GUCY1B1: variants seen among roughly 807,000 people sequenced by gnomAD.
GUCY1B1 encodes guanylate cyclase 1 soluble subunit beta 1.
GUCY1B1 carries 43 observed loss-of-function variants against 71.0 expected under a neutral mutation model. That is an observed-to-expected ratio of 0.61 (90% CI 0.47 to 0.78). The LOEUF (loss-of-function observed/expected upper bound fraction) is 0.78, where lower values mean the gene tolerates loss of function less well. Among genes scored for constraint, GUCY1B1 ranks in the 30% least tolerant of loss-of-function variants. The pLI, the probability that GUCY1B1 is intolerant of heterozygous loss-of-function variation, is 0.00. For synonymous variants in GUCY1B1, 266 were observed against 259.7 expected (o/e 1.02, Z -0.23); for missense variants, 535 against 754.1 (o/e 0.71, Z 3.40).
At chr4:155,774,231 T>C (rs1392790906) in intron 2 of GUCY1B1, among the ~76,000 whole-genome samples, 1 of 152,180 alleles carries the variant, frequency 6.6e-6, no homozygotes, top group Non-Finnish European at 1.5e-5. Flanking sequence ...ACCCGTTCCC[T>C]GATAGCTACT....
intron 1 of GUCY1B1, 172 bp downstream of exon 1, chr4:155,759,315 C>G: frequency 3.2e-6 from 2 of 633,566 alleles, no homozygotes; most frequent in Non-Finnish European, 5.2e-6. Context: ...GTGGGAACGC[C>G]GCGAGTCGTG....
At chr4:155,785,238 C>A in intron 4 of GUCY1B1, 2 of 1,044,558 alleles carry the variant, frequency 1.9e-6, no homozygotes, top group Non-Finnish European at 2.8e-6. Context: ...TATATTTTTC[C>A]TGTTTTTTGA....
chr4:155,762,878 T>C (rs1737091120), intron 2 of GUCY1B1, among the ~76,000 whole-genome samples: 2 of 152,186 alleles, frequency 1.3e-5, no homozygotes, highest in Admixed American at 6.5e-5. Context: ...ATGTGATCCA[T>C]GGGCTATAGT....
At chr4:155,795,919 G>C (rs145833271) in intron 7 of GUCY1B1, among the ~76,000 whole-genome samples, 1 of 152,028 alleles carries the variant, frequency 6.6e-6, no homozygotes, top group Non-Finnish European at 1.5e-5. Flanking sequence ...GGGATCTCAC[G>C]GTTTCTGTTC....
intron 3 of GUCY1B1, among the ~76,000 whole-genome samples, chr4:155,776,435 C>T (rs1365938315): frequency 1.3e-5 from 2 of 151,996 alleles, no homozygotes; most frequent in Non-Finnish European, 2.9e-5. Flanking sequence ...TTTGAGAGGC[C>T]GAGGTGGGTG....
intron 2 of GUCY1B1, among the ~76,000 whole-genome samples, chr4:155,763,322 T>G (rs921173273): frequency 2.0e-5 from 3 of 152,140 alleles, no homozygotes; most frequent in Admixed American, 6.6e-5. Flanking sequence ...TTGGATTATA[T>G]GCACCACCAC....
At chr4:155,795,511 G>A in intron 7 of GUCY1B1, 54 bp downstream of exon 7, 3 of 825,676 alleles carry the variant, frequency 3.6e-6, no homozygotes, top group African/African-American at 3.4e-5. Context: ...CAAATTAGAA[G>A]TATTCAGGGG....
chr4:155,795,875 A>C (rs768406584), intron 7 of GUCY1B1, among the ~76,000 whole-genome samples: 2 of 152,172 alleles, frequency 1.3e-5, no homozygotes, highest in Non-Finnish European at 2.9e-5. Context: ...AAAAGTGATG[A>C]AATATTCACA....
chr4:155,805,273 T>TA, intron 13 of GUCY1B1, 44 bp downstream of exon 13: 1 of 1,516,766 alleles, frequency 6.6e-7, no homozygotes, highest in Non-Finnish European at 8.9e-7. Context: ...AGACAGAGTA[T>TA]AAGTATGGAA....
At chr4:155,805,911 T>C (rs1348865663) in intron 13 of GUCY1B1, among the ~76,000 whole-genome samples, 1 of 152,174 alleles carries the variant, frequency 6.6e-6, no homozygotes, top group Non-Finnish European at 1.5e-5. Context: ...ACTAAGATCA[T>C]GGCTAGCCTC....
intron 2 of GUCY1B1, among the ~76,000 whole-genome samples, chr4:155,773,327 A>T (rs1737819255): frequency 6.6e-6 from 1 of 152,212 alleles, no homozygotes; most frequent in South Asian, 2.1e-4. Context: ...TGTTTTAAAC[A>T]ATGGATTTCA....
At chr4:155,797,242 G>A (rs996327081) in intron 8 of GUCY1B1, among the ~76,000 whole-genome samples, 1 of 152,122 alleles carries the variant, frequency 6.6e-6, no homozygotes, top group Non-Finnish European at 1.5e-5. Flanking sequence ...CAAAGTGTAG[G>A]TGCATTATGT....
chr4:155,801,786 A>G (rs1739972889), intron 9 of GUCY1B1, among the ~76,000 whole-genome samples: 1 of 152,162 alleles, frequency 6.6e-6, no homozygotes, highest in African/African-American at 2.4e-5. Flanking sequence ...AAATACAATA[A>G]TTTATTTTCT....
Position 155,804,732 on chromosome 4 carries a change from C to T in GUCY1B1, c.1694C>T (p.Ser565Phe). The T allele has an allele frequency of 6.2e-7, 1 of 1,612,438 alleles. No homozygotes were observed. The highest frequency in any genetic ancestry group is 8.5e-7 in the Non-Finnish European group (1 of 1,178,936). Residue 565 changes from serine (S) to phenylalanine (F), a missense_variant, in exon 12 of 14, where the codon TCT (serine) becomes TTT (phenylalanine). By Grantham distance (155) the Ser-to-Phe change is radical. Transcript: ENST00000264424. ...TTGEKGKINVSEYTYRCLMSP... is the reference protein window; with the variant it reads ...TTGEKGKINVFEYTYRCLMSP... ...GGAGAAAAGGGAAAAATAAATGTGT[C>T]TGAATATACATACAGGTGAGAGAAA... is the stretch of plus-strand genomic sequence containing the variant.
Position 155,799,948 on chromosome 4 carries a change from G to T in GUCY1B1, c.1049G>T (p.Arg350Leu). 1 of 1,613,090 alleles carries T rather than the reference G, an allele frequency of 6.2e-7. No homozygotes were observed. Among genetic ancestry groups the T allele is most frequent in the Non-Finnish European group, 8.5e-7 (1 of 1,179,158 alleles). ...LSDIPLHDAT[R>L]DLVLLGEQFR... The stretch of plus-strand genomic sequence containing the variant: ...GACATCCCTCTGCATGATGCCACGC[G>T]CGATCTTGTTCTTTTGGGAGAACAA... Residue 350 changes from arginine (R) to leucine (L), a missense_variant, in exon 9 of 14, where the codon CGC becomes CTC. Physicochemically the swap from Arg to Leu is moderately radical, Grantham distance 102 (BLOSUM62 -2). Coordinates refer to ENST00000264424, the MANE Select transcript of GUCY1B1 (RefSeq NM_000857.5).
intron 2 of GUCY1B1, among the ~76,000 whole-genome samples, chr4:155,767,705 C>T (rs957834293): frequency 2.2e-4 from 34 of 152,170 alleles, no homozygotes; most frequent in Admixed American, 2.2e-3. Context: ...CCTGTCTCTC[C>T]ACTTGGCAGC....
chr4:155,773,078 A>T (rs1207734301), intron 2 of GUCY1B1, among the ~76,000 whole-genome samples: 1 of 152,248 alleles, frequency 6.6e-6, no homozygotes, highest in East Asian at 1.9e-4. Flanking sequence ...GCTGTGTTGC[A>T]AGTTCGCCTA....
At chr4:155,787,237 A>G (rs13124643) in intron 4 of GUCY1B1, among the ~76,000 whole-genome samples, 2,273 of 152,258 alleles carry the variant, frequency 0.015, 35 homozygotes, top group South Asian at 0.047. Context: ...CGGGGTTTGT[A>G]GGTTATATAT....
At chr4:155,795,287 TA>T in intron 6 of GUCY1B1, 53 bp from the exon 7 acceptor site, 1 of 839,920 alleles carries the variant, frequency 1.2e-6, no homozygotes, top group Non-Finnish European at 2.0e-6. Flanking sequence ...AATATCAAAG[TA>T]TAAAAACTAT....
Sources: allele counts gnomAD v4.1 joint callset (sites outside exome capture counted in the v4.1 genomes callset), GRCh38; gene constraint gnomAD v4.1.1; transcripts MANE v1.5; gene names NCBI Gene and HGNC (gene_info 2026-07-23, HGNC 2026-07-21).